The following ALPK1 variants were observed in gnomAD, a reference collection of about 807,000 sequenced individuals.
ALPK1 encodes the protein alpha-protein kinase 1.
ALPK1 carries 110 observed loss-of-function variants against 120.6 expected under a neutral mutation model. The observed-to-expected ratio is 0.91, with a 90% CI of 0.78 to 1.07. ALPK1 has a LOEUF of 1.07. Among genes scored for constraint, ALPK1 ranks in the 50% least tolerant of loss-of-function variants. The pLI is 0.00. For synonymous variants in ALPK1, 582 were observed against 560.3 expected, an observed-to-expected ratio of 1.04 and a Z score of -0.55; for missense variants, 1,498 against 1,483.9, an observed-to-expected ratio of 1.01 and a Z score of -0.16.
At chr4:112,412,653 A>G (rs1733542096) in intron 5 of ALPK1, among the ~76,000 whole-genome samples, 1 of 152,198 alleles carries the variant, frequency 6.6e-6, no homozygotes, top group Non-Finnish European at 1.5e-5. Flanking sequence ...CCACTTCCAT[A>G]GAATTCTTGA....
At chr4:112,328,091 TA>T (rs1052309467) in intron 2 of ALPK1, among the ~76,000 whole-genome samples, 1 of 152,236 alleles carries the variant, frequency 6.6e-6, no homozygotes, top group African/African-American at 2.4e-5. Context: ...AAGCAATGAC[TA>T]AAAAAGAAAG....
chr4:112,429,059 T>G, intron 9 of ALPK1, 90 bp from the exon 10 acceptor site: 1 of 1,195,622 alleles, frequency 8.4e-7, no homozygotes, highest in Non-Finnish European at 1.2e-6. Context: ...CTTGAAATCA[T>G]GAAAGAAAAG....
intron 12 of ALPK1, among the ~76,000 whole-genome samples, chr4:112,436,649 C>A (rs1285631326): frequency 6.6e-6 from 1 of 152,200 alleles, no homozygotes; most frequent in Non-Finnish European, 1.5e-5. Context: ...CTGCCAGAAG[C>A]TGGGAGACAG....
chr4:112,423,803 G>T, intron 5 of ALPK1, 141 bp from the exon 6 acceptor site: 2 of 807,402 alleles, frequency 2.5e-6, no homozygotes, highest in South Asian at 1.4e-5. Context: ...TGTCATTGTT[G>T]ATTTTAAATT....
At chr4:112,319,006 G>A (rs79739873) in intron 2 of ALPK1, among the ~76,000 whole-genome samples, 1,878 of 152,318 alleles carry the variant, frequency 0.012, 27 homozygotes, top group African/African-American at 0.042. Context: ...GCAACAATGA[G>A]CCAGGAGTTT....
At chr4:112,405,445 G>A (rs902867736) in intron 4 of ALPK1, among the ~76,000 whole-genome samples, 4 of 151,922 alleles carry the variant, frequency 2.6e-5, no homozygotes, top group Admixed American at 6.6e-5. Flanking sequence ...CTTTTTATTT[G>A]GAATTTGTTT....
chr4:112,430,399 T>G lies in ALPK1; in HGVS notation c.901-49T>G, dbSNP rs1734483433. On this transcript the variant is annotated intron_variant, in intron 10 of 15. Coordinates refer to ENST00000650871, the MANE Select transcript of ALPK1 (RefSeq NM_025144.4). ...AAATGAAAAGTTTGTCCTGATTCAC[T>G]TGCAGTTTTCAATTCAATATCTGAT... The G allele has an allele frequency of 4.7e-6, 7 of 1,479,662 alleles. No homozygotes were observed. The South Asian group carries it at 9.5e-5, about 20-fold the overall frequency. 91.7% of individuals were successfully genotyped at this position (1,479,662 alleles called of 1,614,324 possible).
intron 2 of ALPK1, among the ~76,000 whole-genome samples, chr4:112,368,208 G>A (rs890446918): frequency 6.6e-6 from 1 of 152,172 alleles, no homozygotes. Flanking sequence ...ATGAGCCACT[G>A]ATCCCCACCT....
chr4:112,427,566 A>G lies in ALPK1; in HGVS notation c.700-4A>G. ...TCTGTGACTTCTTTGTGTTTTTCTT[A>G]CAGGGCCTCTCCACGTCGCTAGGTA... On this transcript the variant is annotated splice_region_variant and splice_polypyrimidine_tract_variant and intron_variant, in intron 8 of 15. Transcript: ENST00000650871. The G allele has an allele frequency of 6.2e-7, 1 of 1,611,840 alleles. No individual in the cohort carries two copies. The highest frequency in any genetic ancestry group is 8.5e-7 in the Non-Finnish European group (1 of 1,177,964).
intron 4 of ALPK1, among the ~76,000 whole-genome samples, chr4:112,410,474 T>C (rs927406298): frequency 6.6e-6 from 1 of 152,254 alleles, no homozygotes; most frequent in Non-Finnish European, 1.5e-5. Context: ...CACCTGGTTT[T>C]GCCCAGTAAG....
In ALPK1 at chr4:112,430,971, G is replaced by A. The variant is rs765962225; in HGVS notation, c.1424G>A (p.Gly475Glu). The A allele has an allele frequency of 1.2e-6, 2 of 1,613,752 alleles. No homozygotes were observed. Among genetic ancestry groups the A allele is most frequent in the Non-Finnish European group, 1.7e-6 (2 of 1,179,750 alleles). ...SVCEVFESDC[G>E]NNKNEQKDAK... Reference sequence around the variant, plus strand: ...TGTGAAGTATTTGAAAGTGATTGTGGAAACAACAAAAATGAACAGAAAGAT... The same window carrying A: ...TGTGAAGTATTTGAAAGTGATTGTGAAAACAACAAAAATGAACAGAAAGAT... Residue 475 changes from glycine (G) to glutamate (E), a missense_variant, in exon 11 of 16, where the codon GGA becomes GAA. Gly to Glu is a moderately conservative substitution (Grantham distance 98). Transcript: ENST00000650871.
Position 112,428,821 on chromosome 4 carries a change from C to A in ALPK1, c.796-328C>A, listed in dbSNP as rs377107878. On this transcript the variant is annotated intron_variant, in intron 9 of 15. Coordinates refer to ENST00000650871, the MANE Select transcript of ALPK1 (RefSeq NM_025144.4). The stretch of plus-strand genomic sequence containing the variant: ...AAATGAATTCTAATTGCTGTGAAAT[C>A]ATCAATTAAAGGGCTCTTTGCCAAG... Among the ~76,000 whole-genome samples the A allele has an allele frequency of 7.2e-5, 11 of 152,246 alleles. No individual in the cohort carries two copies. The South Asian group carries it at 2.3e-3, about 32-fold the overall frequency.
intron 4 of ALPK1, among the ~76,000 whole-genome samples, chr4:112,408,998 T>C (rs1733325630): frequency 6.6e-6 from 1 of 152,208 alleles, no homozygotes; most frequent in Non-Finnish European, 1.5e-5. Flanking sequence ...CATGAAAACA[T>C]GGACTTGCCT....
chr4:112,326,049 C>G, intron 2 of ALPK1, among the ~76,000 whole-genome samples: 1 of 152,068 alleles, frequency 6.6e-6, no homozygotes, highest in East Asian at 1.9e-4. Flanking sequence ...CCTGGCCTTC[C>G]TAGGGCTCTT....
At chr4:112,326,901 G>C (rs1018869929) in intron 2 of ALPK1, among the ~76,000 whole-genome samples, 3 of 152,192 alleles carry the variant, frequency 2.0e-5, no homozygotes, top group Admixed American at 6.5e-5. Context: ...GTGGGTTACA[G>C]TTTCACCTTG....
intron 12 of ALPK1, 133 bp from the exon 13 acceptor site, chr4:112,438,351 T>G: frequency 1.3e-6 from 1 of 774,796 alleles, no homozygotes; most frequent in South Asian, 2.4e-5. Flanking sequence ...GTCAAAATAA[T>G]TAATATTCAG....
At chr4:112,357,966 G>A in intron 2 of ALPK1, 2 of 741,480 alleles carry the variant, frequency 2.7e-6, no homozygotes, top group Non-Finnish European at 4.9e-6. Flanking sequence ...GGGTCTACCG[G>A]CGCCACCTTC....
intron 2 of ALPK1, among the ~76,000 whole-genome samples, chr4:112,364,511 G>A (rs1482014080): frequency 6.6e-6 from 1 of 151,982 alleles, no homozygotes; most frequent in East Asian, 1.9e-4. Context: ...GATTAAACCA[G>A]GAAGAAATAG....
chr4:112,358,369 CT>C (rs1349288733), intron 2 of ALPK1: 1 of 604,982 alleles, frequency 1.7e-6, no homozygotes, highest in Non-Finnish European at 3.0e-6. Flanking sequence ...CACCGGCCCC[CT>C]GGGCTGTAGC....
Sources: allele counts gnomAD v4.1 joint callset (sites outside exome capture counted in the v4.1 genomes callset), GRCh38; gene constraint gnomAD v4.1.1; transcripts MANE v1.5; gene names NCBI Gene and HGNC (gene_info 2026-07-23, HGNC 2026-07-21).